Variants in SPAG16 observed in about 807,000 individuals in gnomAD.
SPAG16 encodes sperm associated antigen 16.
SPAG16 carries 86 observed loss-of-function variants against 80.4 expected under a neutral mutation model. That is an observed-to-expected ratio of 1.07 (90% CI 0.90 to 1.28). The LOEUF is 1.28. Among genes scored for constraint, SPAG16 ranks in the 50% most tolerant of loss-of-function variants. The pLI is 0.00. For synonymous variants in SPAG16, 294 were observed against 265.9 expected (o/e 1.11, Z -1.03); for missense variants, 870 against 765.3 (o/e 1.14, Z -1.61).
At chr2:213,536,457 T>G (rs1300206914) in intron 10 of SPAG16, among the ~76,000 whole-genome samples, 16 of 152,146 alleles carry the variant, frequency 1.1e-4, no homozygotes, top group Admixed American at 1.0e-3. Context: ...AGTGTAAAAG[T>G]GTTCCTATTT....
intron 9 of SPAG16, chr2:213,422,134 G>A (rs565773162): frequency 1.4e-6 from 1 of 694,082 alleles, no homozygotes; most frequent in South Asian, 1.5e-5. Flanking sequence ...TTGCCACTTT[G>A]CAGGTGATGA....
intron 13 of SPAG16, among the ~76,000 whole-genome samples, chr2:214,029,723 C>T (rs2048318466): frequency 6.6e-6 from 1 of 152,100 alleles, no homozygotes. Context: ...CCTACTAATT[C>T]AGCCTTCAAA....
At chr2:213,973,035 C>G (rs1478294284) in intron 12 of SPAG16, among the ~76,000 whole-genome samples, 1 of 152,168 alleles carries the variant, frequency 6.6e-6, no homozygotes, top group African/African-American at 2.4e-5. Context: ...TAATTCTGTG[C>G]TGGGTCACTC....
intron 10 of SPAG16, among the ~76,000 whole-genome samples, chr2:213,846,980 A>T (rs1404528107): frequency 1.3e-5 from 2 of 152,158 alleles, no homozygotes; most frequent in Non-Finnish European, 2.9e-5. Context: ...GTGGTTGTAG[A>T]ACTGAGCTTC....
At chr2:213,877,623 C>T (rs2076190520) in intron 11 of SPAG16, among the ~76,000 whole-genome samples, 1 of 152,192 alleles carries the variant, frequency 6.6e-6, no homozygotes, top group Non-Finnish European at 1.5e-5. Context: ...CCACATAAGG[C>T]ATTTTTTATG....
chr2:213,854,903 G>C (rs1207291654), intron 10 of SPAG16, among the ~76,000 whole-genome samples: 1 of 152,208 alleles, frequency 6.6e-6, no homozygotes, highest in African/African-American at 2.4e-5. Flanking sequence ...AGTTTTGTTG[G>C]AACACATCCT....
chr2:214,141,756 CTT>C (rs1456982503), intron 14 of SPAG16, among the ~76,000 whole-genome samples: 1 of 152,092 alleles, frequency 6.6e-6, no homozygotes, highest in Admixed American at 6.6e-5. Flanking sequence ...ATTGAAATGT[CTT>C]TAAAATATTT....
At chr2:213,338,906 T>C (rs947979428) in intron 5 of SPAG16, among the ~76,000 whole-genome samples, 4 of 151,624 alleles carry the variant, frequency 2.6e-5, no homozygotes, top group South Asian at 2.1e-4. Context: ...TTAGGAAAAA[T>C]AGCGAACGTA....
At chr2:213,981,727 G>A (rs1559655443) in intron 12 of SPAG16, among the ~76,000 whole-genome samples, 1 of 151,928 alleles carries the variant, frequency 6.6e-6, no homozygotes, top group Non-Finnish European at 1.5e-5. Flanking sequence ...ATATATAATA[G>A]ATTTATATTA....
At chr2:213,849,745 A>G (rs1489651927) in intron 10 of SPAG16, among the ~76,000 whole-genome samples, 1 of 152,184 alleles carries the variant, frequency 6.6e-6, no homozygotes, top group Non-Finnish European at 1.5e-5. Context: ...TCCTTACCAT[A>G]AGGAAGTTTG....
chr2:214,186,307 A>G (rs979614122), intron 15 of SPAG16, among the ~76,000 whole-genome samples: 1 of 152,142 alleles, frequency 6.6e-6, no homozygotes, highest in East Asian at 1.9e-4. Flanking sequence ...GTTAAAATGC[A>G]TGGTCCAGGT....
At chr2:213,647,187 T>G (rs992269334) in intron 10 of SPAG16, among the ~76,000 whole-genome samples, 7 of 152,162 alleles carry the variant, frequency 4.6e-5, no homozygotes, top group Admixed American at 2.6e-4. Flanking sequence ...TATTGTGTGG[T>G]GGGCCCTCAG....
In SPAG16 at chr2:214,190,155, G is replaced by A. The variant is rs142907137; in HGVS notation, c.1720+40889G>A. On this transcript the variant is annotated intron_variant, in intron 15 of 15. Coordinates refer to ENST00000331683, the MANE Select transcript of SPAG16 (RefSeq NM_024532.5). Reference sequence around the variant, plus strand: ...ACACAGTCATACTACAATGTTACTAGAATATGCTCCACGTCTTTCGTCTGT... The same window carrying A: ...ACACAGTCATACTACAATGTTACTAAAATATGCTCCACGTCTTTCGTCTGT... Among the ~76,000 whole-genome samples, 48 of 152,104 alleles carry A rather than the reference G, an allele frequency of 3.2e-4. No homozygotes were observed. The East Asian group carries it at 8.7e-3, about 28-fold the overall frequency.
chr2:213,887,380 A>T (rs866518998), intron 11 of SPAG16, among the ~76,000 whole-genome samples: 2 of 151,914 alleles, frequency 1.3e-5, no homozygotes, highest in Non-Finnish European at 2.9e-5. Context: ...ACATTTTTGT[A>T]GACTACTGGT....
intron 8 of SPAG16, chr2:213,364,558 G>A (rs2066176525): frequency 6.5e-6 from 1 of 153,806 alleles, no homozygotes; most frequent in Non-Finnish European, 1.5e-5. Context: ...GTTCCAAACT[G>A]AGCTTTGTGG....
chr2:213,407,596 GGAGAGAGAGAGAGAGAGAGAGAGA>G (rs66674310), intron 9 of SPAG16, among the ~76,000 whole-genome samples: 15 of 102,016 alleles, frequency 1.5e-4, no homozygotes, highest in Non-Finnish European at 2.8e-4. Context: ...GAGAGAGACA[GGAGAGAGAGAGAGAGAGAGAGAGA>G]GAGAGAGAGA....
intron 9 of SPAG16, among the ~76,000 whole-genome samples, chr2:213,388,083 G>T (rs2067544550): frequency 6.6e-6 from 1 of 152,086 alleles, no homozygotes; most frequent in South Asian, 2.1e-4. Context: ...AGTTAAGTTG[G>T]GTCAATTTCA....
chr2:213,288,116 C>T (rs1022584878), intron 1 of SPAG16, among the ~76,000 whole-genome samples: 5 of 151,986 alleles, frequency 3.3e-5, no homozygotes. Context: ...GGGGGTCTCA[C>T]TCTGCTATTC....
intron 10 of SPAG16, among the ~76,000 whole-genome samples, chr2:213,766,420 C>T (rs1212816116): frequency 6.6e-6 from 1 of 152,154 alleles, no homozygotes; most frequent in Non-Finnish European, 1.5e-5. Context: ...CATCTAGTCA[C>T]AGGTTGGGAG....
Sources: gnomAD v4.1 joint callset for allele counts (sites outside exome capture counted in the v4.1 genomes callset) on GRCh38, gnomAD v4.1.1 for gene constraint, MANE v1.5 for transcripts, NCBI Gene and HGNC (gene_info 2026-07-23, HGNC 2026-07-21) for gene names.